ZBTB40: variants seen among roughly 807,000 people sequenced by gnomAD.
ZBTB40 encodes zinc finger and BTB domain-containing protein 40.
Under a neutral mutation model 117.5 loss-of-function variants are expected in ZBTB40, and 60 were observed. The observed-to-expected ratio is 0.51, with a 90% CI of 0.41 to 0.63. The LOEUF (loss-of-function observed/expected upper bound fraction) is 0.63. ZBTB40 is among the 30% of genes least tolerant of loss of function. ZBTB40 has a pLI of 0.00. For missense variants in ZBTB40, 1,287 were observed against 1,498.5 expected (o/e 0.86, Z 2.33); for synonymous variants, 525 against 577.1 (o/e 0.91, Z 1.29).
intron 1 of ZBTB40, among the ~76,000 whole-genome samples, chr1:22,455,592 T>G (rs1640986840): frequency 6.6e-6 from 1 of 152,182 alleles, no homozygotes; most frequent in South Asian, 2.1e-4. Flanking sequence ...GTGGGACCTT[T>G]GCATCTAAAG....
At chr1:22,506,756 TA>T (rs1195499731) in intron 6 of ZBTB40, among the ~76,000 whole-genome samples, 1 of 152,160 alleles carries the variant, frequency 6.6e-6, no homozygotes, top group Non-Finnish European at 1.5e-5. Flanking sequence ...CCAGAGCATT[TA>T]GGACTCAGAT....
chr1:22,438,636 C>T (rs1312329095), intron 1 of ZBTB40, among the ~76,000 whole-genome samples: 1 of 152,198 alleles, frequency 6.6e-6, no homozygotes, highest in Non-Finnish European at 1.5e-5. Flanking sequence ...ACACTACCAA[C>T]AGTGCACAAG....
chr1:22,429,923 G>A (rs1640555913), intron 1 of ZBTB40, among the ~76,000 whole-genome samples: 1 of 152,162 alleles, frequency 6.6e-6, no homozygotes, highest in Non-Finnish European at 1.5e-5. Context: ...TGAACCCCGG[G>A]AGGCGGAGGG....
intron 1 of ZBTB40, among the ~76,000 whole-genome samples, chr1:22,467,878 G>C (rs1450246069): frequency 6.7e-6 from 1 of 149,284 alleles, no homozygotes; most frequent in Admixed American, 6.7e-5. Context: ...AGGATCCCTT[G>C]AACCCAGGAG....
chr1:22,513,844 ATAT>A lies in ZBTB40; in HGVS notation c.2668+717_2668+719del, dbSNP rs1639306728. Among the ~76,000 whole-genome samples, 2 of 152,222 alleles carry A rather than the reference ATAT, an allele frequency of 1.3e-5. No individual in the cohort carries two copies. The highest frequency in any genetic ancestry group is 4.8e-5 in the African/African-American group (2 of 41,448). ...AGACTGGCTAACCTCCTATGACTTT[ATAT>A]TAGGTCTTGTGGAAAAGTCATTGTG... On this transcript the variant is annotated intron_variant, in intron 12 of 17. Coordinates refer to ENST00000375647, the MANE Select transcript of ZBTB40 (RefSeq NM_014870.4). This position sits in a 1 kb window ranked among gnomAD's most constrained non-coding sequence, Gnocchi z 4.9.
intron 13 of ZBTB40, 57 bp downstream of exon 13, chr1:22,517,521 T>C (rs1334995368): frequency 6.3e-7 from 1 of 1,578,884 alleles, no homozygotes; most frequent in Non-Finnish European, 8.6e-7. Context: ...TGGGAAAGCG[T>C]GTCAATTGCA....
At chr1:22,503,784 A>C (rs1639008606) in intron 5 of ZBTB40, among the ~76,000 whole-genome samples, 2 of 152,228 alleles carry the variant, frequency 1.3e-5, no homozygotes, top group Admixed American at 1.3e-4. Flanking sequence ...AATTTCAGGC[A>C]CTCAATTTAA....
intron 1 of ZBTB40, among the ~76,000 whole-genome samples, chr1:22,457,215 G>A (rs1279821121): frequency 6.6e-6 from 1 of 152,124 alleles, no homozygotes; most frequent in Non-Finnish European, 1.5e-5. Flanking sequence ...CCCTGCATTT[G>A]TCCACAGAGT....
intron 3 of ZBTB40, among the ~76,000 whole-genome samples, chr1:22,492,366 G>T (rs954241475): frequency 1.3e-5 from 2 of 152,186 alleles, no homozygotes; most frequent in Non-Finnish European, 2.9e-5. Flanking sequence ...CAGTTGAGAC[G>T]CATTTCCACC....
At chr1:22,464,474 A>T (rs551493309) in intron 1 of ZBTB40, among the ~76,000 whole-genome samples, 1 of 152,340 alleles carries the variant, frequency 6.6e-6, no homozygotes, top group Non-Finnish European at 1.5e-5. Context: ...ATTATGTCTT[A>T]TATCTGTGTT....
chr1:22,492,728 T>C (rs1286081510), intron 3 of ZBTB40, among the ~76,000 whole-genome samples: 3 of 152,256 alleles, frequency 2.0e-5, no homozygotes, highest in Non-Finnish European at 4.4e-5. Flanking sequence ...TACATTGTTT[T>C]CTTGGGAGAC....
intron 1 of ZBTB40, among the ~76,000 whole-genome samples, chr1:22,429,335 A>G (rs1640546308): frequency 6.6e-6 from 1 of 152,070 alleles, no homozygotes; most frequent in Non-Finnish European, 1.5e-5. Flanking sequence ...GAGCCGACAT[A>G]GCGCCGTTGC....
intron 16 of ZBTB40, among the ~76,000 whole-genome samples, chr1:22,522,875 C>CCCTG (rs962286739): frequency 1.3e-5 from 2 of 150,066 alleles, no homozygotes; most frequent in African/African-American, 4.9e-5. Context: ...AAGCAATTCT[C>CCCTG]CCTGACTTAG....
intron 1 of ZBTB40, among the ~76,000 whole-genome samples, chr1:22,488,777 G>C (rs1364719289): frequency 6.6e-6 from 1 of 152,176 alleles, no homozygotes; most frequent in African/African-American, 2.4e-5. Flanking sequence ...AGATTGCTCC[G>C]CCTACTGGGT....
At position 22,518,675 on chromosome 1, in the gene ZBTB40, C is replaced by T. The variant is rs545724844; in HGVS notation, c.2833+1211C>T. Among the ~76,000 whole-genome samples the T allele has an allele frequency of 1.4e-4, 22 of 152,282 alleles. No individual in the cohort carries two copies. In the South Asian group the frequency reaches 4.4e-3, roughly 30 times the overall value. On this transcript the variant is annotated intron_variant, in intron 13 of 17. Transcript: ENST00000375647. The stretch of plus-strand genomic sequence containing the variant: ...AGGACTTTGCCAAAGCTCCTATGTG[C>T]CCAGCATGTGGCTAGACATTGGGTG...
chr1:22,431,277 A>AAT (rs1357919480), intron 1 of ZBTB40, among the ~76,000 whole-genome samples: 3 of 148,114 alleles, frequency 2.0e-5, no homozygotes, highest in Non-Finnish European at 4.5e-5. Context: ...GAATATATAC[A>AAT]ATATTGTATA....
chr1:22,470,116 C>T (rs943728572), intron 1 of ZBTB40, among the ~76,000 whole-genome samples: 2 of 152,200 alleles, frequency 1.3e-5, no homozygotes, highest in Non-Finnish European at 2.9e-5. Context: ...CTTAAAAGCT[C>T]AGAAACCTGG....
chr1:22,493,795 T>G (rs1160971182), intron 3 of ZBTB40, among the ~76,000 whole-genome samples: 1 of 78,288 alleles, frequency 1.3e-5, no homozygotes, highest in Non-Finnish European at 2.5e-5. Flanking sequence ...TTCACCCATG[T>G]TTTTTTTTTT....
chr1:22,488,399 A>AGGG (rs1638532995), intron 1 of ZBTB40, among the ~76,000 whole-genome samples: 1 of 152,206 alleles, frequency 6.6e-6, no homozygotes, highest in East Asian at 1.9e-4. Context: ...CTGAGGTTGG[A>AGGG]GGGGAGGTTG....
Sources: allele counts gnomAD v4.1 joint callset (sites outside exome capture counted in the v4.1 genomes callset), GRCh38; gene constraint gnomAD v4.1.1; non-coding constraint Gnocchi (gnomAD v3.1); transcripts MANE v1.5; gene names NCBI Gene and HGNC (gene_info 2026-07-23, HGNC 2026-07-21).